Variants in SH2D4A observed in about 807,000 individuals in gnomAD.
The protein encoded by SH2D4A is SH2 domain-containing protein 4A.
In SH2D4A, 70 loss-of-function variants were observed where a neutral mutation model predicts 64.7. That is an observed-to-expected ratio of 1.08 (90% CI 0.89 to 1.32). SH2D4A has a LOEUF of 1.32. Among genes scored for constraint, SH2D4A ranks in the 40% most tolerant of loss-of-function variants. The pLI is 0.00. For synonymous variants in SH2D4A, 268 were observed against 200.7 expected, an observed-to-expected ratio of 1.34 and a Z score of -2.83; for missense variants, 706 against 540.1, an observed-to-expected ratio of 1.31 and a Z score of -3.04.
At chr8:19,383,448 A>G (rs914307953) in intron 8 of SH2D4A, among the ~76,000 whole-genome samples, 23 of 151,460 alleles carry the variant, frequency 1.5e-4, no homozygotes, top group African/African-American at 5.6e-4. Context: ...GTGCATACGT[A>G]AAGTCTTTGA....
At chr8:19,353,368 G>GTTT (rs71545549) in intron 4 of SH2D4A, among the ~76,000 whole-genome samples, 44 of 131,352 alleles carry the variant, frequency 3.3e-4, no homozygotes, top group African/African-American at 1.0e-3. Context: ...TAATCATCTA[G>GTTT]TTTTTTTTTT....
At chr8:19,376,992 T>G (rs1226066475) in intron 8 of SH2D4A, among the ~76,000 whole-genome samples, 2 of 152,136 alleles carry the variant, frequency 1.3e-5, no homozygotes, top group Non-Finnish European at 2.9e-5. Flanking sequence ...CCAAGAAAAA[T>G]ACAACACCAG....
intron 4 of SH2D4A, among the ~76,000 whole-genome samples, chr8:19,344,627 C>T (rs1444561217): frequency 2.0e-5 from 3 of 152,262 alleles, no homozygotes; most frequent in African/African-American, 4.8e-5. Context: ...TCCTGCATAA[C>T]ATAACAGATT....
intron 8 of SH2D4A, among the ~76,000 whole-genome samples, chr8:19,378,357 A>G (rs1471336261): frequency 2.0e-5 from 3 of 152,122 alleles, no homozygotes; most frequent in African/African-American, 7.2e-5. Flanking sequence ...TTATTTTTGC[A>G]TAGAATAGAC....
chr8:19,375,120 C>T (rs930399162), intron 8 of SH2D4A: 24 of 152,256 alleles, frequency 1.6e-4, no homozygotes, highest in African/African-American at 5.3e-4. Flanking sequence ...AAAAATATGA[C>T]TCTTGAGTTT....
intron 2 of SH2D4A, 96 bp from the exon 3 acceptor site, chr8:19,332,859 T>A (rs913374984): frequency 9.4e-6 from 11 of 1,165,746 alleles, no homozygotes; most frequent in East Asian, 2.5e-5. Context: ...ATATATATAT[T>A]TTCAAAGACC....
At chr8:19,315,750 G>A (rs2052077498) in intron 1 of SH2D4A, among the ~76,000 whole-genome samples, 1 of 152,206 alleles carries the variant, frequency 6.6e-6, no homozygotes, top group Admixed American at 6.5e-5. Flanking sequence ...AAAGTCCTCT[G>A]AGTTTGAATC....
At chr8:19,370,579 C>A (rs866155029) in intron 7 of SH2D4A, among the ~76,000 whole-genome samples, 34 of 152,008 alleles carry the variant, frequency 2.2e-4, no homozygotes, top group African/African-American at 8.0e-4. Context: ...TTTCCATTTG[C>A]ATACAATGTT....
chr8:19,374,309 C>A (rs1563207467), intron 8 of SH2D4A, among the ~76,000 whole-genome samples: 1 of 152,164 alleles, frequency 6.6e-6, no homozygotes, highest in African/African-American at 2.4e-5. Flanking sequence ...AGATACTTCA[C>A]AGGCCCCTCT....
At chr8:19,389,536 A>C (rs1328127522) in intron 8 of SH2D4A, among the ~76,000 whole-genome samples, 1 of 151,990 alleles carries the variant, frequency 6.6e-6, no homozygotes, top group Non-Finnish European at 1.5e-5. Context: ...CAGGAGTTTC[A>C]GTTCCTGCTC....
chr8:19,378,090 A>G (rs2053227187), intron 8 of SH2D4A, among the ~76,000 whole-genome samples: 1 of 152,156 alleles, frequency 6.6e-6, no homozygotes, highest in African/African-American at 2.4e-5. Context: ...GGTCTTCTGT[A>G]ATTACTTATA....
At chr8:19,323,035 G>A (rs2052218400) in intron 2 of SH2D4A, among the ~76,000 whole-genome samples, 1 of 152,076 alleles carries the variant, frequency 6.6e-6, no homozygotes. Flanking sequence ...ATCAGCATGT[G>A]AATTTAACTT....
chr8:19,358,765 G>T lies in SH2D4A; in HGVS notation c.594+1482G>T, dbSNP rs559477579. Reference sequence around the variant, plus strand: ...GAATTGGTGGGGAGGCATTCTAAGTGCTTCCATCAACAGGCTGGACAAGAG... The same window carrying T: ...GAATTGGTGGGGAGGCATTCTAAGTTCTTCCATCAACAGGCTGGACAAGAG... On this transcript the variant is annotated intron_variant, in intron 5 of 9. Coordinates refer to ENST00000265807, the MANE Select transcript of SH2D4A (RefSeq NM_022071.4). Among the ~76,000 whole-genome samples the T allele has an allele frequency of 6.3e-4, 96 of 152,342 alleles. No homozygotes were observed. In the South Asian group the frequency reaches 0.019, roughly 30 times the overall value.
intron 7 of SH2D4A, among the ~76,000 whole-genome samples, chr8:19,368,191 T>G (rs2153649322): frequency 6.6e-6 from 1 of 152,268 alleles, no homozygotes; most frequent in Admixed American, 6.5e-5. Flanking sequence ...TATTTCTGGG[T>G]TCTTTATTCT....
At chr8:19,379,074 T>TAA (rs56937745) in intron 8 of SH2D4A, among the ~76,000 whole-genome samples, 3,188 of 133,372 alleles carry the variant, frequency 0.024, 56 homozygotes, top group Non-Finnish European at 0.034. Context: ...GACCCTGCCT[T>TAA]AAAAAAAAAA....
At chr8:19,341,420 G>T (rs2117230393) in intron 4 of SH2D4A, among the ~76,000 whole-genome samples, 1 of 152,308 alleles carries the variant, frequency 6.6e-6, no homozygotes, top group South Asian at 2.1e-4. Context: ...ATCCTTATCT[G>T]AGTAACTCTG....
At chr8:19,394,314 T>C (rs919215959) in intron 9 of SH2D4A, among the ~76,000 whole-genome samples, 1 of 152,196 alleles carries the variant, frequency 6.6e-6, no homozygotes, top group African/African-American at 2.4e-5. Context: ...TCCATGGCCC[T>C]GGGGTTGGGG....
At chr8:19,361,725 T>TAAAC (rs147911641) in intron 6 of SH2D4A, among the ~76,000 whole-genome samples, 30,826 of 152,106 alleles carry the variant, frequency 0.2, 3,698 homozygotes, top group African/African-American at 0.33. Flanking sequence ...TAATAACATG[T>TAAAC]AAACATTAGT....
At chr8:19,393,685 T>A (rs1050355740) in intron 9 of SH2D4A, 144 bp downstream of exon 9, 2 of 754,748 alleles carry the variant, frequency 2.6e-6, no homozygotes, top group Non-Finnish European at 4.2e-6. Flanking sequence ...TAATTCTTCC[T>A]GATAATCAGG....
Sources: gnomAD v4.1 joint callset for allele counts (sites outside exome capture counted in the v4.1 genomes callset) on GRCh38, gnomAD v4.1.1 for gene constraint, MANE v1.5 for transcripts, NCBI Gene and HGNC (gene_info 2026-07-23, HGNC 2026-07-21) for gene names.